ITPR2: variants seen among roughly 807,000 people sequenced by gnomAD.
The protein encoded by ITPR2 is inositol 1,4,5-trisphosphate-gated calcium channel ITPR2.
ITPR2 carries 207 observed loss-of-function variants against 317.1 expected under a neutral mutation model. That is an observed-to-expected ratio of 0.65 (90% confidence interval 0.58 to 0.73). The LOEUF is 0.73. Among genes scored for constraint, ITPR2 ranks in the 30% least tolerant of loss-of-function variants. The probability of loss-of-function intolerance (pLI) is 0.00; values close to 1 mark genes in which losing one functional copy is unlikely to be tolerated. For missense variants in ITPR2, 2,613 were observed against 3,284.0 expected (o/e 0.80, Z 4.99); for synonymous variants, 1,156 against 1,149.1 (o/e 1.01, Z -0.12).
chr12:26,770,069 T>C (rs755067891), intron 2 of ITPR2, among the ~76,000 whole-genome samples: 15 of 152,218 alleles, frequency 9.9e-5, no homozygotes, highest in Non-Finnish European at 1.6e-4. Flanking sequence ...CAACATCCTA[T>C]AAAAATGATT....
chr12:26,705,052 T>A (rs973481320), intron 9 of ITPR2, among the ~76,000 whole-genome samples: 3 of 152,162 alleles, frequency 2.0e-5, no homozygotes, highest in African/African-American at 7.2e-5. Flanking sequence ...CACTGCTAGG[T>A]ACTTCCCTTT....
At chr12:26,724,174 G>A (rs1948882513) in intron 4 of ITPR2, among the ~76,000 whole-genome samples, 2 of 152,118 alleles carry the variant, frequency 1.3e-5, no homozygotes, top group Non-Finnish European at 2.9e-5. Flanking sequence ...AAGCTAAAAA[G>A]ATCTAAGTGA....
At chr12:26,644,242 G>T (rs140741383) in intron 21 of ITPR2, among the ~76,000 whole-genome samples, 3 of 152,118 alleles carry the variant, frequency 2.0e-5, no homozygotes, top group Non-Finnish European at 4.4e-5. Context: ...GCTGCCCCAG[G>T]TATGGCTCCA....
Position 26,658,096 on chromosome 12 carries a change from T to C in ITPR2, c.1921A>G (p.Asn641Asp). Residue 641 changes from asparagine (N) to aspartate (D), a missense_variant, in exon 17 of 57, where the codon AAT (asparagine) becomes GAT (aspartate). Transcript: ENST00000381340. ...LDYLSDLCVS[N>D]TTAIPVTQEL... ...TGAGTTACAGGGATAGCAGTGGTATTAGACACACACAGATCTGACAAATAA... is the reference window on the plus strand; with the variant it reads ...TGAGTTACAGGGATAGCAGTGGTATCAGACACACACAGATCTGACAAATAA... 1.9e-6 allele frequency: 3 copies of C among 1,610,266 alleles called. No homozygotes were observed. The highest frequency in any genetic ancestry group is 1.3e-5 in the African/African-American group (1 of 74,888).
chr12:26,413,421 G>T (rs1482384281), intron 51 of ITPR2, among the ~76,000 whole-genome samples: 1 of 152,170 alleles, frequency 6.6e-6, no homozygotes, highest in African/African-American at 2.4e-5. Context: ...CTACCCAGGG[G>T]TGTCCTCAAT....
chr12:26,627,115 T>C (rs547265006), intron 23 of ITPR2, among the ~76,000 whole-genome samples: 1 of 152,320 alleles, frequency 6.6e-6, no homozygotes, highest in African/African-American at 2.4e-5. Context: ...GAAATATAGT[T>C]CCAGTTTATA....
intron 2 of ITPR2, among the ~76,000 whole-genome samples, chr12:26,742,488 T>G (rs983812638): frequency 1.3e-5 from 2 of 152,150 alleles, no homozygotes; most frequent in African/African-American, 4.8e-5. Flanking sequence ...AAATATGATA[T>G]ATCCACATCT....
At chr12:26,476,831 C>CT (rs1349132138) in intron 44 of ITPR2, 81 bp downstream of exon 44, 74 of 832,388 alleles carry the variant, frequency 8.9e-5, no homozygotes, top group South Asian at 1.1e-4. Context: ...AATCAATCAA[C>CT]TTTTTTTTCT....
At chr12:26,397,551 C>T (rs1234093797) in intron 54 of ITPR2, among the ~76,000 whole-genome samples, 3 of 151,992 alleles carry the variant, frequency 2.0e-5, no homozygotes, top group Non-Finnish European at 4.4e-5. Flanking sequence ...GTGTTTGTAT[C>T]CCAAAATAGA....
chr12:26,659,082 A>G (rs371559736), intron 16 of ITPR2, 31 bp downstream of exon 16: 7 of 1,557,902 alleles, frequency 4.5e-6, no homozygotes, highest in Non-Finnish European at 6.1e-6. Flanking sequence ...AATCTCCACT[A>G]GAAAAGAATA....
chr12:26,697,848 C>T (rs1948379964), intron 9 of ITPR2, among the ~76,000 whole-genome samples: 2 of 150,966 alleles, frequency 1.3e-5, no homozygotes, highest in Admixed American at 1.3e-4. Context: ...ATAAATAATA[C>T]AATATAAGAG....
intron 45 of ITPR2, among the ~76,000 whole-genome samples, chr12:26,475,027 T>G (rs1301033059): frequency 6.6e-6 from 1 of 152,148 alleles, no homozygotes; most frequent in African/African-American, 2.4e-5. Context: ...CCATGGTTTA[T>G]CCATGGCTCA....
At chr12:26,786,971 T>C (rs1950264393) in intron 2 of ITPR2, among the ~76,000 whole-genome samples, 2 of 152,016 alleles carry the variant, frequency 1.3e-5, no homozygotes, top group Admixed American at 1.3e-4. Flanking sequence ...GCTGGGATGG[T>C]GATTCTGGGA....
At chr12:26,563,184 A>G (rs1944868136) in intron 34 of ITPR2, among the ~76,000 whole-genome samples, 1 of 152,238 alleles carries the variant, frequency 6.6e-6, no homozygotes, top group Admixed American at 6.5e-5. Flanking sequence ...AAGAAAGTAG[A>G]ATACCTGACT....
intron 1 of ITPR2, among the ~76,000 whole-genome samples, chr12:26,795,169 C>T (rs1950410536): frequency 6.6e-6 from 1 of 152,154 alleles, no homozygotes; most frequent in South Asian, 2.1e-4. Flanking sequence ...CACCAAAACA[C>T]ATTAAGGTAA....
chr12:26,475,429 A>C lies in ITPR2; in HGVS notation c.6220-11T>G. ...CTTCATCACATCCACCTATCCAAAAAAAAAAAGAATATTGAAATGCCAGAA... is the reference window on the plus strand; with the variant it reads ...CTTCATCACATCCACCTATCCAAAACAAAAAAGAATATTGAAATGCCAGAA... On this transcript the variant is annotated splice_polypyrimidine_tract_variant and intron_variant, in intron 44 of 56. Transcript: ENST00000381340. 1.9e-6 allele frequency: 3 copies of C among 1,599,334 alleles called. No individual in the cohort carries two copies. The highest frequency in any genetic ancestry group is 2.6e-6 in the Non-Finnish European group (3 of 1,176,256).
At chr12:26,600,150 G>A (rs768681860) in intron 28 of ITPR2, 41 bp from the exon 29 acceptor site, 1 of 1,563,068 alleles carries the variant, frequency 6.4e-7, no homozygotes, top group Non-Finnish European at 8.7e-7. Flanking sequence ...ACAAACATAG[G>A]AGACAGCAAA....
chr12:26,407,935 G>A (rs986778176), intron 52 of ITPR2, among the ~76,000 whole-genome samples: 14 of 152,096 alleles, frequency 9.2e-5, no homozygotes, highest in Admixed American at 2.0e-4. Flanking sequence ...GTCTCAGGGC[G>A]TTCACTCTCA....
chr12:26,812,300 G>C (rs963065338), intron 1 of ITPR2, among the ~76,000 whole-genome samples: 2 of 152,034 alleles, frequency 1.3e-5, no homozygotes, highest in South Asian at 2.1e-4. Context: ...TAATACGGCC[G>C]GATGCGGTGG....
Sources: gnomAD v4.1 joint callset for allele counts (sites outside exome capture counted in the v4.1 genomes callset) on GRCh38, gnomAD v4.1.1 for gene constraint, MANE v1.5 for transcripts, NCBI Gene and HGNC (gene_info 2026-07-23, HGNC 2026-07-21) for gene names.